SUSD6: variants seen among roughly 807,000 people sequenced by gnomAD.
The protein encoded by SUSD6 is sushi domain-containing protein 6.
SUSD6 carries 16 observed loss-of-function variants against 28.4 expected under a neutral mutation model. The ratio of observed to expected loss-of-function variants is 0.56; its 90% CI spans 0.38 to 0.86. SUSD6 has a LOEUF of 0.86. SUSD6 is among the 40% of genes least tolerant of loss of function. The pLI is 0.00. For synonymous variants in SUSD6, 147 were observed against 159.6 expected (o/e 0.92, Z 0.59); for missense variants, 341 against 384.2 (o/e 0.89, Z 0.94).
chr14:69,709,066 A>G lies in SUSD6; in HGVS notation c.848A>G (p.Gln283Arg). The change falls in exon 5 of 6, where the codon CAA becomes CGA. Residue 283 changes from glutamine to arginine, a missense_variant. By Grantham distance (43) the Gln-to-Arg change is conservative. Transcript: ENST00000342745. ...GCAGATTCAGAGAACAGTGACATACAAAGCCTTTTATCCCTCACGTCAGAG... is the reference window on the plus strand; with the variant it reads ...GCAGATTCAGAGAACAGTGACATACGAAGCCTTTTATCCCTCACGTCAGAG... ...ETADSENSDI[Q>R]SLLSLTSEEY... 6.2e-7 allele frequency: 1 copy of G among 1,611,570 alleles called. No individual in the cohort carries two copies. The highest frequency in any genetic ancestry group is 8.5e-7 in the Non-Finnish European group (1 of 1,178,884).
intron 5 of SUSD6, among the ~76,000 whole-genome samples, chr14:69,710,376 ATGG>A (rs1363202758): frequency 6.6e-6 from 1 of 152,216 alleles, no homozygotes; most frequent in Non-Finnish European, 1.5e-5. Context: ...ATTTGGGAAG[ATGG>A]TGGGGCCTAT....
intron 2 of SUSD6, among the ~76,000 whole-genome samples, chr14:69,683,473 G>A (rs1310936560): frequency 1.3e-5 from 2 of 152,184 alleles, no homozygotes; most frequent in African/African-American, 4.8e-5. Context: ...GGATATTCCT[G>A]TAAAAGAGAG....
At chr14:69,638,726 G>C (rs1403301996) in intron 1 of SUSD6, among the ~76,000 whole-genome samples, 2 of 152,140 alleles carry the variant, frequency 1.3e-5, no homozygotes, top group Non-Finnish European at 2.9e-5. Context: ...ACCATACTTT[G>C]AATAGTAAGG....
At chr14:69,629,627 C>T (rs534945077) in intron 1 of SUSD6, among the ~76,000 whole-genome samples, 14 of 152,264 alleles carry the variant, frequency 9.2e-5, no homozygotes, top group Middle Eastern at 3.4e-3. Flanking sequence ...AGGGATGAGT[C>T]GGAGCTGGGA....
intron 2 of SUSD6, among the ~76,000 whole-genome samples, chr14:69,668,697 T>C (rs1885782363): frequency 6.6e-6 from 1 of 151,788 alleles, no homozygotes; most frequent in Admixed American, 6.6e-5. Context: ...CATGTTAAAT[T>C]GTAATTGCCA....
chr14:69,646,231 T>C (rs1275741), intron 1 of SUSD6, among the ~76,000 whole-genome samples: 151,141 of 152,296 alleles, frequency 0.99, 75,002 homozygotes, highest in Middle Eastern at 1. Context: ...TCTCTCTGTC[T>C]CTCTCTTGAC....
At chr14:69,637,727 G>A (rs927745099) in intron 1 of SUSD6, among the ~76,000 whole-genome samples, 1 of 152,180 alleles carries the variant, frequency 6.6e-6, no homozygotes, top group Non-Finnish European at 1.5e-5. Context: ...CCTGGAGGAG[G>A]GGCAGGCAAG....
intron 2 of SUSD6, among the ~76,000 whole-genome samples, chr14:69,665,711 T>C (rs1190481083): frequency 6.6e-6 from 1 of 152,230 alleles, no homozygotes; most frequent in African/African-American, 2.4e-5. Context: ...CTGAGTATTA[T>C]ATCTAGGTAC....
At chr14:69,657,076 G>A (rs1885594227) in intron 1 of SUSD6, among the ~76,000 whole-genome samples, 1 of 152,188 alleles carries the variant, frequency 6.6e-6, no homozygotes, top group South Asian at 2.1e-4. Context: ...GTCTTGCTTT[G>A]GACAGAGACA....
chr14:69,693,516 G>C (rs969742360), intron 2 of SUSD6, among the ~76,000 whole-genome samples: 1 of 152,176 alleles, frequency 6.6e-6, no homozygotes, highest in Non-Finnish European at 1.5e-5. Context: ...TCTGTTTTCT[G>C]CCTGCCCCCT....
chr14:69,645,906 C>T (rs938317168), intron 1 of SUSD6, among the ~76,000 whole-genome samples: 6 of 152,088 alleles, frequency 3.9e-5, no homozygotes, highest in Non-Finnish European at 7.4e-5. Context: ...TGCACCACCA[C>T]GCCTGGATAA....
At chr14:69,673,454 G>A (rs1885863217) in intron 2 of SUSD6, among the ~76,000 whole-genome samples, 1 of 152,224 alleles carries the variant, frequency 6.6e-6, no homozygotes, top group Non-Finnish European at 1.5e-5. Context: ...TCTTTTCAGA[G>A]CAAATTTTGC....
chr14:69,669,871 C>G (rs2139622168), intron 2 of SUSD6, among the ~76,000 whole-genome samples: 1 of 151,716 alleles, frequency 6.6e-6, no homozygotes, highest in South Asian at 2.1e-4. Flanking sequence ...GGGAGGATGT[C>G]AGACAGGTTT....
Position 69,709,104 on chromosome 14 carries a change from G to T in SUSD6, c.886G>T (p.Asp296Tyr), listed in dbSNP as rs562259531. Residue 296 changes from aspartate to tyrosine, a missense_variant and splice_region_variant, in exon 5 of 6, where the codon GAT (aspartate) becomes TAT (tyrosine). Asp to Tyr is a radical substitution (Grantham distance 160). Coordinates refer to ENST00000342745, the MANE Select transcript of SUSD6 (RefSeq NM_014734.4). ...CCTCACGTCAGAGGAGTACACAGAT[G>T]GTGAGTGGTCCAAGCTGAACATGAA... The part of the protein sequence containing the change: ...LSLTSEEYTD[D>Y]IPLLKEA The T allele has an allele frequency of 1.9e-6, 3 of 1,573,546 alleles. No individual in the cohort carries two copies. In the Admixed American group the frequency reaches 5.4e-5, roughly 28 times the overall value.
At chr14:69,668,646 A>AG (rs1885781351) in intron 2 of SUSD6, among the ~76,000 whole-genome samples, 1 of 151,416 alleles carries the variant, frequency 6.6e-6, no homozygotes, top group South Asian at 2.1e-4. Context: ...AAAAAAAAAA[A>AG]AAGAAAAGGA....
At chr14:69,620,338 C>T (rs1302235251) in intron 1 of SUSD6, among the ~76,000 whole-genome samples, 1 of 152,154 alleles carries the variant, frequency 6.6e-6, no homozygotes, top group Non-Finnish European at 1.5e-5. Flanking sequence ...TCTGGTTAGG[C>T]TATGATGTCA....
chr14:69,710,967 G>C lies in SUSD6; in HGVS notation c.900G>C (p.Leu300Phe). The C allele has an allele frequency of 6.2e-7, 1 of 1,614,120 alleles. No individual in the cohort carries two copies. The highest frequency in any genetic ancestry group is 8.5e-7 in the Non-Finnish European group (1 of 1,180,012). ...SEEYTDDIPL[L>F]KEA ...GTCTTCCTGCAGATATTCCACTGTTGAAAGAAGCATGAGGGCAGCGGCCAG... is the reference window on the plus strand; with the variant it reads ...GTCTTCCTGCAGATATTCCACTGTTCAAAGAAGCATGAGGGCAGCGGCCAG... Residue 300 changes from leucine to phenylalanine, a missense_variant, in exon 6 of 6, where the codon TTG (leucine) becomes TTC (phenylalanine). Leu to Phe is a conservative substitution (Grantham distance 22). Coordinates refer to ENST00000342745, the MANE Select transcript of SUSD6 (RefSeq NM_014734.4).
At chr14:69,655,069 A>G (rs1177625658) in intron 1 of SUSD6, among the ~76,000 whole-genome samples, 1 of 151,784 alleles carries the variant, frequency 6.6e-6, no homozygotes, top group Non-Finnish European at 1.5e-5. Flanking sequence ...CTGGGATTAT[A>G]GGCATGAGCC....
intron 4 of SUSD6, 131 bp downstream of exon 4, chr14:69,704,873 C>A: frequency 1.1e-6 from 1 of 920,998 alleles, no homozygotes; most frequent in South Asian, 1.6e-5. Flanking sequence ...TGGGGAGGGC[C>A]CTGCCATGTG....
Sources: gnomAD v4.1 joint callset for allele counts (sites outside exome capture counted in the v4.1 genomes callset) on GRCh38, gnomAD v4.1.1 for gene constraint, MANE v1.5 for transcripts, NCBI Gene and HGNC (gene_info 2026-07-23, HGNC 2026-07-21) for gene names.